Variants in RTBDN observed in about 807,000 individuals in gnomAD.
RTBDN encodes the protein retbindin.
In RTBDN, 24 loss-of-function variants were observed where a neutral mutation model predicts 21.9. That is an observed-to-expected ratio of 1.10 (90% confidence interval 0.79 to 1.54). RTBDN has a LOEUF of 1.54. Among genes scored for constraint, RTBDN ranks in the 40% most tolerant of loss-of-function variants. The pLI, the probability that RTBDN is intolerant of heterozygous loss-of-function variation, is 0.00. For missense variants in RTBDN, 325 were observed against 315.2 expected, an observed-to-expected ratio of 1.03 and a Z score of -0.23; for synonymous variants, 141 against 125.9, an observed-to-expected ratio of 1.12 and a Z score of -0.80.
At position 12,828,701 on chromosome 19, in the gene RTBDN, C is replaced by G. The variant is rs745589571; in HGVS notation, c.321G>C (p.Gly107=). 1.2e-6 allele frequency: 2 copies of G among 1,614,200 alleles called. No homozygotes were observed. The highest frequency in any genetic ancestry group is 2.2e-5 in the East Asian group (1 of 44,890). Residue 107 remains glycine, a synonymous_variant, in exon 4 of 6, where the codon GGG becomes GGC. Coordinates refer to ENST00000674343, the MANE Select transcript of RTBDN (RefSeq NM_001270441.2). ...CGCAGAGCGGCTGTGCCTGGCGTAC[C>G]CCCAATAGCCGCAGGCGGAAGCGAC... ...LRSRFRLRLL[G]VRQAQPLCEE...
At chr19:12,826,114 T>G in intron 5 of RTBDN, 181 bp from the exon 6 acceptor site, 2 of 1,379,208 alleles carry the variant, frequency 1.5e-6, no homozygotes, top group Non-Finnish European at 1.9e-6. Context: ...TGAATGTTCT[T>G]ACTGGGCCCT....
upstream of RTBDN, chr19:12,835,092 CG>C: frequency 6.2e-7 from 1 of 1,612,964 alleles, no homozygotes; most frequent in Non-Finnish European, 8.5e-7. Context: ...CCTAGGGCTT[CG>C]TCCATTTCTA....
chr19:12,828,906 C>T lies in RTBDN; in HGVS notation c.217G>A (p.Gly73Arg), dbSNP rs1184257767. The T allele has an allele frequency of 6.2e-7, 1 of 1,614,156 alleles. No homozygotes were observed. The highest frequency in any genetic ancestry group is 8.5e-7 in the Non-Finnish European group (1 of 1,180,024). ...EMDTTETSGP[G>R]NHPERCGVPS... ...ACTCCACAGCGTTCTGGATGGTTTCCAGGGCCCGATGTCTCTGTTGTGTCC... is the reference window on the plus strand; with the variant it reads ...ACTCCACAGCGTTCTGGATGGTTTCTAGGGCCCGATGTCTCTGTTGTGTCC... The change falls in exon 3 of 6, where the codon GGA (glycine) becomes AGA (arginine). Residue 73 changes from glycine (G) to arginine (R), a missense_variant. By Grantham distance (125) the Gly-to-Arg change is moderately radical (BLOSUM62 -2). Coordinates refer to ENST00000674343, the MANE Select transcript of RTBDN (RefSeq NM_001270441.2).
intron 1 of RTBDN, among the ~76,000 whole-genome samples, chr19:12,833,405 T>TG (rs1464791242): frequency 1.3e-5 from 2 of 151,536 alleles, no homozygotes; most frequent in Non-Finnish European, 2.9e-5. Context: ...GCCTCTTTCG[T>TG]GGGGAGGGGG....
chr19:12,829,890 C>T lies in RTBDN; in HGVS notation c.90G>A (p.Gly30=). ...LAWILLEACG[G]SRPLQARSQQ... ...GGGACCTGGCTTGGAGTGGGCGGCTCCCTCCACAGGCTTCTAGCAGGATCC... is the reference window on the plus strand; with the variant it reads ...GGGACCTGGCTTGGAGTGGGCGGCTTCCTCCACAGGCTTCTAGCAGGATCC... The change falls in exon 2 of 6, where the codon GGG becomes GGA. Residue 30 remains glycine, a synonymous_variant. Transcript: ENST00000674343. The T allele has an allele frequency of 6.2e-7, 1 of 1,614,176 alleles. No homozygotes were observed. The highest frequency in any genetic ancestry group is 8.5e-7 in the Non-Finnish European group (1 of 1,180,028).
Position 12,830,838 on chromosome 19 carries a change from AGT to A in RTBDN, c.-18-843_-18-842del, listed in dbSNP as rs5827165. 4.9e-3 allele frequency among the ~76,000 whole-genome samples: 713 copies of A among 146,472 alleles called. 1 individual carries two copies. The highest frequency in any genetic ancestry group is 0.011 in the East Asian group (54 of 4,978). ...AAGCTCTGTATCTATATATGTGGGGAGTGTGTGTGTGTGTGTGTGTGTGTATG... is the reference window on the plus strand; with the variant it reads ...AAGCTCTGTATCTATATATGTGGGGAGTGTGTGTGTGTGTGTGTGTGTATG... On this transcript the variant is annotated intron_variant, in intron 1 of 5. Coordinates refer to ENST00000674343, the MANE Select transcript of RTBDN (RefSeq NM_001270441.2). The surrounding 1 kb of genome is among the most constrained non-coding windows in gnomAD (Gnocchi z 4.2).
upstream of RTBDN, chr19:12,835,131 T>A (rs753710874): frequency 1.2e-6 from 2 of 1,611,506 alleles, no homozygotes; most frequent in Non-Finnish European, 1.7e-6. Context: ...ATTCCCGAGG[T>A]TGAAGGCCAA....
Position 12,830,513 on chromosome 19 carries a change from G to A in RTBDN, c.-18-516C>T, listed in dbSNP as rs145436181. On this transcript the variant is annotated intron_variant, in intron 1 of 5. Transcript: ENST00000674343. This position sits in a 1 kb window ranked among gnomAD's most constrained non-coding sequence, Gnocchi z 4.2. The stretch of plus-strand genomic sequence containing the variant: ...ACCAAGGCTGGTGTGGCAGGGCTCA[G>A]GTTCTGTCACTGGGGCCCAAAGCCC... The A allele has an allele frequency of 3.1e-5, 31 of 984,808 alleles. No individual in the cohort carries two copies. The African/African-American group carries it at 4.9e-4, about 16-fold the overall frequency. 61.0% of individuals were successfully genotyped at this position (984,808 alleles called of 1,614,324 possible).
chr19:12,827,253 G>A (rs1398391414), intron 4 of RTBDN, among the ~76,000 whole-genome samples: 2 of 151,902 alleles, frequency 1.3e-5, no homozygotes, highest in East Asian at 3.9e-4. Context: ...TCCCAAGCTG[G>A]AGCAATCCTT....
chr19:12,826,079 A>G, intron 5 of RTBDN, 146 bp from the exon 6 acceptor site: 2 of 1,402,396 alleles, frequency 1.4e-6, no homozygotes, highest in South Asian at 1.6e-5. Context: ...GCGGAACGTG[A>G]GTGGGGGCAG....
Position 12,828,677 on chromosome 19 carries a change from G to A in RTBDN, c.345C>T (p.Cys115=), listed in dbSNP as rs368243315. 5.8e-5 allele frequency: 93 copies of A among 1,613,724 alleles called. No homozygotes were observed. The highest frequency in any genetic ancestry group is 7.4e-5 in the Non-Finnish European group (87 of 1,179,840). Residue 115 remains cysteine, a synonymous_variant, in exon 4 of 6, where the codon TGC becomes TGT. Coordinates refer to ENST00000674343, the MANE Select transcript of RTBDN (RefSeq NM_001270441.2). ...LLGVRQAQPL[C]EELCQAWFAN... The stretch of plus-strand genomic sequence containing the variant: ...CCTACCAGGCCTGGCAGAGCTCCTC[G>A]CAGAGCGGCTGTGCCTGGCGTACCC...
At chr19:12,832,609 A>G (rs1969617099) in intron 1 of RTBDN, 1 of 152,216 alleles carries the variant, frequency 6.6e-6, no homozygotes, top group Non-Finnish European at 1.5e-5. Context: ...CGCGGTCGCC[A>G]TCGTGAGATA....
intron 5 of RTBDN, 36 bp from the exon 6 acceptor site, chr19:12,825,969 A>T: frequency 6.6e-7 from 1 of 1,519,116 alleles, no homozygotes; most frequent in Non-Finnish European, 8.8e-7. Flanking sequence ...TAGTGGGCGG[A>T]GTCCAGAGAC....
intron 1 of RTBDN, chr19:12,832,887 G>A (rs1261991998): frequency 6.6e-6 from 1 of 152,232 alleles, no homozygotes; most frequent in Non-Finnish European, 1.5e-5. Context: ...CCCTTGGGAA[G>A]CCCTTCTGTC....
At position 12,825,599 on chromosome 19, in the gene RTBDN, C is replaced by T; in HGVS notation, c.*107G>A. 6.9e-7 allele frequency: 1 copy of T among 1,450,500 alleles called. No homozygotes were observed. The highest frequency in any genetic ancestry group is 9.1e-7 in the Non-Finnish European group (1 of 1,100,284). 89.9% of individuals were successfully genotyped at this position (1,450,500 alleles called of 1,614,324 possible). On this transcript the variant is annotated 3_prime_UTR_variant, in exon 6 of 6. Coordinates refer to ENST00000674343, the MANE Select transcript of RTBDN (RefSeq NM_001270441.2). ...AGCTCCAGGGAGGAGGGACAGACAT[C>T]TCAAAACTATTACAGAAGGCCGAGA...
At position 12,825,509 on chromosome 19, in the gene RTBDN, G is replaced by A. The variant is rs1408462647; in HGVS notation, c.*197C>T. ...CTCTAGCTGGCGACTTTATTCAAAGGGGAGAGGGAAAAGTGAGAGAGTTGG... is the reference window on the plus strand; with the variant it reads ...CTCTAGCTGGCGACTTTATTCAAAGAGGAGAGGGAAAAGTGAGAGAGTTGG... On this transcript the variant is annotated 3_prime_UTR_variant, in exon 6 of 6. Coordinates refer to ENST00000674343, the MANE Select transcript of RTBDN (RefSeq NM_001270441.2). 4.8e-6 allele frequency: 4 copies of A among 831,966 alleles called. No individual in the cohort carries two copies. The highest frequency in any genetic ancestry group is 7.1e-6 in the Non-Finnish European group (4 of 562,152). The allele number at this position is 831,966 out of a possible 1,614,324, so 51.5% of individuals were successfully genotyped here. A position where few individuals can be genotyped will look rare whatever the true frequency, so the allele number is the denominator to read the frequency against.
In RTBDN at chr19:12,825,689, T is replaced by C. The variant is rs776047538; in HGVS notation, c.*17A>G. ...CTGGGGGAAGGGTCGCTCCCCCAACTCAGGGCCACGCGTCCGCTAGGGGCC... is the reference window on the plus strand; with the variant it reads ...CTGGGGGAAGGGTCGCTCCCCCAACCCAGGGCCACGCGTCCGCTAGGGGCC... On this transcript the variant is annotated 3_prime_UTR_variant, in exon 6 of 6. Coordinates refer to ENST00000674343, the MANE Select transcript of RTBDN (RefSeq NM_001270441.2). 6.4e-7 allele frequency: 1 copy of C among 1,551,382 alleles called. No individual in the cohort carries two copies. Among genetic ancestry groups the C allele is most frequent in the South Asian group, 1.2e-5 (1 of 84,258 alleles).
chr19:12,827,773 C>T (rs1467634519), intron 4 of RTBDN, among the ~76,000 whole-genome samples: 2 of 152,110 alleles, frequency 1.3e-5, no homozygotes, highest in African/African-American at 2.4e-5. Flanking sequence ...CTTATCTTTT[C>T]AATCAAGAGG....
At chr19:12,831,095 G>A (rs1464694051) in intron 1 of RTBDN, among the ~76,000 whole-genome samples, 1 of 150,652 alleles carries the variant, frequency 6.6e-6, no homozygotes, top group Non-Finnish European at 1.5e-5. Context: ...TGTGTCCCAA[G>A]CAATGTGTTT....
Sources: allele counts gnomAD v4.1 joint callset (sites outside exome capture counted in the v4.1 genomes callset), GRCh38; gene constraint gnomAD v4.1.1; non-coding constraint Gnocchi (gnomAD v3.1); transcripts MANE v1.5; gene names NCBI Gene and HGNC (gene_info 2026-07-23, HGNC 2026-07-21).